ADGRE2: variants seen among roughly 807,000 people sequenced by gnomAD.
The protein encoded by ADGRE2 is adhesion G protein-coupled receptor E2.
ADGRE2 carries 83 observed loss-of-function variants against 100.8 expected under a neutral mutation model. That is an observed-to-expected ratio of 0.82 (90% CI 0.69 to 0.99). The LOEUF (loss-of-function observed/expected upper bound fraction) is 0.99, where lower values mean the gene tolerates loss of function less well. ADGRE2 is among the 50% of genes least tolerant of loss of function. ADGRE2 has a pLI of 0.00. For missense variants in ADGRE2, 814 were observed against 1,035.7 expected, an observed-to-expected ratio of 0.79 and a Z score of 2.94; for synonymous variants, 355 against 413.0, an observed-to-expected ratio of 0.86 and a Z score of 1.70.
At chr19:14,741,466 A>G (rs1476875090) in intron 20 of ADGRE2, 1 of 135,390 alleles carries the variant, frequency 7.4e-6, no homozygotes, top group African/African-American at 2.8e-5. Context: ...GAGACTCTGT[A>G]CATTTCTTTT....
Position 14,776,805 on chromosome 19 carries a change from G to T in ADGRE2, c.-49C>A, listed in dbSNP as rs1261098381. On this transcript the variant is annotated 5_prime_UTR_variant, in exon 2 of 21. Coordinates refer to ENST00000315576, the MANE Select transcript of ADGRE2 (RefSeq NM_013447.4). ...GAGCAGCAGGGGAAAGAGTGAGTGG[G>T]ACAGGGCTGTCCCGTCTCCGCAGGC... The T allele has an allele frequency of 6.2e-7, 1 of 1,610,270 alleles. No homozygotes were observed. Among genetic ancestry groups the T allele is most frequent in the African/African-American group, 1.3e-5 (1 of 74,918 alleles).
rs1568570030 is a variant in ADGRE2, at chr19:14,733,495, A to G, written c.*2741T>C. The G allele has an allele frequency of 1.3e-5, 2 of 152,180 alleles. No individual in the cohort carries two copies. The highest frequency in any genetic ancestry group is 4.8e-5 in the African/African-American group (2 of 41,440). The allele number at this position is 152,180 out of a possible 1,614,324, so 9.4% of individuals were successfully genotyped here. ...TTCCTTTCCCTCCAGGTGCACTAAA[A>G]TAGGGAAGCTAAAAGCAGACTTGGG... On this transcript the variant is annotated 3_prime_UTR_variant, in exon 21 of 21. Coordinates refer to ENST00000315576, the MANE Select transcript of ADGRE2 (RefSeq NM_013447.4).
At chr19:14,742,364 T>C (rs908172786) in intron 20 of ADGRE2, among the ~76,000 whole-genome samples, 55 of 152,314 alleles carry the variant, frequency 3.6e-4, no homozygotes, top group African/African-American at 1.1e-3. Context: ...CCTGAGTTGC[T>C]GGGACTACAG....
intron 2 of ADGRE2, among the ~76,000 whole-genome samples, chr19:14,775,251 C>T (rs867361421): frequency 1.1e-3 from 171 of 151,286 alleles, no homozygotes; most frequent in African/African-American, 3.8e-3. Flanking sequence ...GTGATCTGCC[C>T]GCCTTGGCCT....
intron 1 of ADGRE2, among the ~76,000 whole-genome samples, chr19:14,777,414 G>C (rs148460555): frequency 0.036 from 5,434 of 152,290 alleles, 117 homozygotes; most frequent in African/African-American, 0.064. Context: ...AGGATCGCTT[G>C]AGCTCAGGAG....
Position 14,774,009 on chromosome 19 carries a change from G to A in ADGRE2, c.128C>T (p.Thr43Ile). Residue 43 changes from threonine to isoleucine, a missense_variant, in exon 4 of 21, where the codon ACC becomes ATC. Transcript: ENST00000315576. ...GAACCCTGGATTGCAGCGACAGGCG[G>A]TGGCATTGACACACGAGGAGTCCTG... ...CPQDSSCVNA[T>I]ACRCNPGFSS... 5.0e-6 allele frequency: 8 copies of A among 1,614,116 alleles called. No individual in the cohort carries two copies. Among genetic ancestry groups the A allele is most frequent in the Non-Finnish European group, 6.8e-6 (8 of 1,180,032 alleles).
chr19:14,777,040 G>A, intron 1 of ADGRE2, 113 bp from the exon 2 acceptor site: 1 of 1,262,508 alleles, frequency 7.9e-7, no homozygotes, highest in East Asian at 3.8e-5. Flanking sequence ...CAAGAATGAA[G>A]TGCAACCTGC....
At chr19:14,746,071 A>G (rs572301803) in intron 18 of ADGRE2, among the ~76,000 whole-genome samples, 161 bp downstream of exon 18, 4 of 152,300 alleles carry the variant, frequency 2.6e-5, no homozygotes, top group Non-Finnish European at 4.4e-5. Context: ...ACAGGATACC[A>G]CTGAATCTGT....
intron 16 of ADGRE2, among the ~76,000 whole-genome samples, chr19:14,749,189 A>G (rs1230102595): frequency 9.2e-6 from 1 of 109,264 alleles, no homozygotes; most frequent in Admixed American, 9.2e-5. Flanking sequence ...TAATTATATA[A>G]CCATATAATT....
Position 14,772,479 on chromosome 19 carries a change from G to A in ADGRE2, c.218C>T (p.Thr73Ile), listed in dbSNP as rs184851918. The A allele has an allele frequency of 1.2e-6, 2 of 1,613,994 alleles. No homozygotes were observed. Among genetic ancestry groups the A allele is most frequent in the East Asian group, 4.5e-5 (2 of 44,864 alleles). The change falls in exon 5 of 21, where the codon ACA becomes ATA. Residue 73 changes from threonine to isoleucine, a missense_variant. Coordinates refer to ENST00000315576, the MANE Select transcript of ADGRE2 (RefSeq NM_013447.4). ...ETCDDINECA[T>I]LSKVSCGKFS... ...TTTTCCGCATGACACTTTCGACAGTGTTGCACACTCGTTGATGTCTGGAAC... is the reference window on the plus strand; with the variant it reads ...TTTTCCGCATGACACTTTCGACAGTATTGCACACTCGTTGATGTCTGGAAC...
chr19:14,746,174 G>T lies in ADGRE2; in HGVS notation c.2183+58C>A, dbSNP rs1057129768. The T allele has an allele frequency of 1.1e-5, 12 of 1,062,882 alleles. No homozygotes were observed. The Admixed American group carries it at 2.2e-4, about 20-fold the overall frequency. The allele number at this position is 1,062,882 out of a possible 1,614,324, so 65.8% of individuals were successfully genotyped here. A position where few individuals can be genotyped will look rare whatever the true frequency, so the allele number is the denominator to read the frequency against. ...ACCTCAGTGGCTGCTGAGGCACATGGCTTGGCTCTTGGGAACCATACATGT... is the reference window on the plus strand; with the variant it reads ...ACCTCAGTGGCTGCTGAGGCACATGTCTTGGCTCTTGGGAACCATACATGT... On this transcript the variant is annotated intron_variant, in intron 18 of 20. Transcript: ENST00000315576.
At chr19:14,738,055 G>A (rs1313663472) in intron 20 of ADGRE2, among the ~76,000 whole-genome samples, 1 of 151,756 alleles carries the variant, frequency 6.6e-6, no homozygotes, top group Non-Finnish European at 1.5e-5. Context: ...AAACTAGCTA[G>A]AAGAGAATAA....
At chr19:14,748,559 G>A (rs2043163241) in intron 16 of ADGRE2, among the ~76,000 whole-genome samples, 1 of 152,176 alleles carries the variant, frequency 6.6e-6, no homozygotes, top group East Asian at 1.9e-4. Flanking sequence ...TGCTCGCCTC[G>A]GCCTCCCAAA....
chr19:14,750,426 A>G (rs2043249267), intron 16 of ADGRE2, among the ~76,000 whole-genome samples: 1 of 152,048 alleles, frequency 6.6e-6, no homozygotes, highest in Non-Finnish European at 1.5e-5. Context: ...AACCTGAAAA[A>G]GGGTATCTAT....
chr19:14,730,843 T>C (rs1266986160), downstream of ADGRE2, among the ~76,000 whole-genome samples: 1 of 151,800 alleles, frequency 6.6e-6, no homozygotes, highest in African/African-American at 2.4e-5. Flanking sequence ...CATTGTCTAA[T>C]GCTCCCATCT....
intron 18 of ADGRE2, among the ~76,000 whole-genome samples, chr19:14,744,963 C>T (rs1437243661): frequency 6.6e-6 from 1 of 151,970 alleles, no homozygotes; most frequent in Non-Finnish European, 1.5e-5. Context: ...AATCTCGGCT[C>T]ACTGCAACCT....
In ADGRE2 at chr19:14,743,614, A is replaced by T. The variant is rs1357846898; in HGVS notation, c.2352+2T>A. 3 of 1,614,114 alleles carry T rather than the reference A, an allele frequency of 1.9e-6. No homozygotes were observed. The highest frequency in any genetic ancestry group is 3.3e-5 in the Admixed American group (2 of 60,016). The stretch of plus-strand genomic sequence containing the variant: ...TCCTGGGTGGGAGCTGGGCAGTGGT[A>T]CCTGCTGGCTGAGGAGGCAGTACAC... On this transcript the variant is annotated splice_donor_variant, in intron 19 of 20. Transcript: ENST00000315576. LOFTEE classifies it high-confidence loss of function.
chr19:14,764,682 C>G, intron 10 of ADGRE2, 72 bp from the exon 11 acceptor site: 1 of 1,448,242 alleles, frequency 6.9e-7, no homozygotes, highest in Non-Finnish European at 9.4e-7. Context: ...AACCGCTCAG[C>G]CCCAGGGAAC....
rs538083887 is a variant in ADGRE2 at position 14,772,846 on chromosome 19, G to A, written c.200-349C>T. 4.6e-5 allele frequency among the ~76,000 whole-genome samples: 7 copies of A among 151,578 alleles called. No individual in the cohort carries two copies. In the South Asian group the frequency reaches 1.3e-3, roughly 27 times the overall value. Reference sequence around the variant, plus strand: ...TGTAATCCCAGCACTTTGGGAGGCCGAGGCCGGCAGATCACTTGAGGTCAG... The same window carrying A: ...TGTAATCCCAGCACTTTGGGAGGCCAAGGCCGGCAGATCACTTGAGGTCAG... On this transcript the variant is annotated intron_variant, in intron 4 of 20. Coordinates refer to ENST00000315576, the MANE Select transcript of ADGRE2 (RefSeq NM_013447.4).
Sources: gnomAD v4.1 joint callset for allele counts (sites outside exome capture counted in the v4.1 genomes callset) on GRCh38, gnomAD v4.1.1 for gene constraint, MANE v1.5 for transcripts, NCBI Gene and HGNC (gene_info 2026-07-23, HGNC 2026-07-21) for gene names.